The following EDARADD variants were observed in gnomAD, a reference collection of about 807,000 sequenced individuals.
EDARADD encodes the protein EDAR associated via death domain.
A neutral mutation model predicts 25.6 loss-of-function variants in EDARADD; 20 were observed. The observed-to-expected ratio is 0.78, with a 90% CI of 0.55 to 1.14. The LOEUF (loss-of-function observed/expected upper bound fraction) is 1.14, where lower values mean the gene tolerates loss of function less well. EDARADD is among the 50% of genes most tolerant of loss of function. The pLI is 0.00. For synonymous variants in EDARADD, 86 were observed against 94.4 expected (o/e 0.91, Z 0.52); for missense variants, 225 against 270.1 (o/e 0.83, Z 1.17).
chr1:236,467,524 T>A (rs538414674), intron 4 of EDARADD, among the ~76,000 whole-genome samples: 21 of 151,458 alleles, frequency 1.4e-4, no homozygotes, highest in African/African-American at 4.4e-4. Context: ...ATTGTAAAAA[T>A]GGAGCCCTAA....
At position 236,359,643 on chromosome 1, in the gene EDARADD, AG is replaced by A. The variant is rs149374972; in HGVS notation, c.-6+8806del. Among the ~76,000 whole-genome samples, 634 of 152,350 alleles carry A rather than the reference AG, an allele frequency of 4.2e-3. 2 individuals are homozygous for A. The highest frequency in any genetic ancestry group is 6.4e-3 in the Non-Finnish European group (436 of 68,034). ...AGCCTCACAGTCATGGCAGAAGGCA[AG>A]GAGAAGCAAGTCACGTCTTACGTGG... is the stretch of plus-strand genomic sequence containing the variant. On this transcript the variant is annotated intron_variant, in intron 3 of 7. Transcript: ENST00000439430.
At chr1:236,413,153 C>T (rs182125845) in intron 2 of EDARADD, among the ~76,000 whole-genome samples, 1 of 152,206 alleles carries the variant, frequency 6.6e-6, no homozygotes, top group Non-Finnish European at 1.5e-5. Flanking sequence ...CGTGAGCCAC[C>T]GCACCCAGCC....
chr1:236,377,123 T>TA (rs1553263098), intron 3 of EDARADD, among the ~76,000 whole-genome samples: 21 of 146,870 alleles, frequency 1.4e-4, no homozygotes, highest in African/African-American at 5.0e-4. Flanking sequence ...TATATATATT[T>TA]TATATATATA....
chr1:236,367,590 C>T (rs941007700), intron 3 of EDARADD, among the ~76,000 whole-genome samples: 3 of 152,092 alleles, frequency 2.0e-5, no homozygotes, highest in African/African-American at 4.8e-5. Context: ...GTCTCAAACT[C>T]GTGGGCTCAA....
chr1:236,393,977 C>G (rs1667467181), upstream of EDARADD, among the ~76,000 whole-genome samples: 1 of 146,806 alleles, frequency 6.8e-6, no homozygotes, highest in East Asian at 2.1e-4. Flanking sequence ...GGAGTAATAA[C>G]TACGTAACTA....
intron 1 of EDARADD, among the ~76,000 whole-genome samples, chr1:236,407,073 A>G (rs1667751590): frequency 6.6e-6 from 1 of 152,222 alleles, no homozygotes; most frequent in African/African-American, 2.4e-5. Flanking sequence ...CCTTAGGGCC[A>G]CACAGGAATC....
At chr1:236,385,711 C>T (rs1292663829) in intron 3 of EDARADD, among the ~76,000 whole-genome samples, 4 of 118,528 alleles carry the variant, frequency 3.4e-5, no homozygotes, top group African/African-American at 6.2e-5. Context: ...GCGACAAGAG[C>T]GAAACTCCAT....
intron 3 of EDARADD, among the ~76,000 whole-genome samples, chr1:236,383,773 G>A (rs979953427): frequency 6.6e-6 from 1 of 152,038 alleles, no homozygotes; most frequent in African/African-American, 2.4e-5. Flanking sequence ...GGAGGCTGAG[G>A]TGGGAGGGTC....
At chr1:236,388,216 C>A (rs1228470108) in intron 3 of EDARADD, among the ~76,000 whole-genome samples, 3 of 152,168 alleles carry the variant, frequency 2.0e-5, no homozygotes, top group African/African-American at 7.2e-5. Flanking sequence ...ATATTCCAAA[C>A]ACATACATGA....
chr1:236,420,014 C>T (rs973436750), intron 3 of EDARADD, among the ~76,000 whole-genome samples: 7 of 152,068 alleles, frequency 4.6e-5, no homozygotes, highest in Non-Finnish European at 1.0e-4. Flanking sequence ...CCCGTCTCTA[C>T]TAAAAATACA....
At chr1:236,459,166 A>G (rs1437624869) in intron 4 of EDARADD, among the ~76,000 whole-genome samples, 1 of 152,098 alleles carries the variant, frequency 6.6e-6, no homozygotes, top group African/African-American at 2.4e-5. Flanking sequence ...GTGTTCTAGC[A>G]TTACTTCTGT....
chr1:236,468,398 C>T (rs1456253573), intron 5 of EDARADD, 122 bp downstream of exon 5: 28 of 968,740 alleles, frequency 2.9e-5, no homozygotes, highest in East Asian at 2.1e-4. Flanking sequence ...CCAAGGTGGG[C>T]GGATCACCTG....
In EDARADD at chr1:236,483,661, A is replaced by G. The variant is rs572366811; in HGVS notation, c.*1012A>G. ...CATGCTGTCACCAAGCTGGCCATGC[A>G]GGAGTTCATGGTCCTCCCAGTCGGT... On this transcript the variant is annotated 3_prime_UTR_variant, in exon 6 of 6. Coordinates refer to ENST00000334232, the MANE Select transcript of EDARADD (RefSeq NM_145861.4). 1.5e-4 allele frequency: 233 copies of G among 1,575,520 alleles called. 3 individuals are homozygous for G. In the South Asian group the frequency reaches 2.4e-3, roughly 16 times the overall value.
chr1:236,414,165 ATT>A, intron 2 of EDARADD, 93 bp from the exon 3 acceptor site: 1 of 1,078,494 alleles, frequency 9.3e-7, no homozygotes, highest in Non-Finnish European at 1.4e-6. Context: ...CAAGTTTTTA[ATT>A]GAAGTCATAA....
intron 5 of EDARADD, among the ~76,000 whole-genome samples, chr1:236,475,791 C>CA (rs56999662): frequency 0.057 from 8,569 of 151,626 alleles, 799 homozygotes; most frequent in African/African-American, 0.19. Context: ...AACACACACA[C>CA]AAAAAAACTT....
chr1:236,408,827 C>T (rs1445414791), intron 1 of EDARADD, among the ~76,000 whole-genome samples: 1 of 151,986 alleles, frequency 6.6e-6, no homozygotes, highest in Non-Finnish European at 1.5e-5. Context: ...TGTGTTGGCT[C>T]ACTGCAACCT....
chr1:236,455,163 T>C (rs1322224791), intron 4 of EDARADD, among the ~76,000 whole-genome samples: 11 of 151,792 alleles, frequency 7.2e-5, no homozygotes, highest in Admixed American at 7.2e-4. Flanking sequence ...TGAGCCGAGA[T>C]TGTGCCACTG....
Position 236,413,834 on chromosome 1 carries a change from G to A in EDARADD, c.121-426G>A, listed in dbSNP as rs148537708. Reference sequence around the variant, plus strand: ...AATCATCCTGTCTCAGTCGACCCAGGCCAGAGCTCTGCAATAGTGAGTACT... The same window carrying A: ...AATCATCCTGTCTCAGTCGACCCAGACCAGAGCTCTGCAATAGTGAGTACT... On this transcript the variant is annotated intron_variant, in intron 2 of 5. Transcript: ENST00000334232. Among the ~76,000 whole-genome samples, 490 of 152,246 alleles carry A rather than the reference G, an allele frequency of 3.2e-3. 3 individuals carry two copies. Among genetic ancestry groups the A allele is most frequent in the Middle Eastern group, 0.017 (5 of 294 alleles).
chr1:236,444,414 G>A (rs758287868), intron 4 of EDARADD, among the ~76,000 whole-genome samples: 1 of 152,064 alleles, frequency 6.6e-6, no homozygotes, highest in Non-Finnish European at 1.5e-5. Context: ...TGATTCTCCT[G>A]TCTTGACTCT....
Sources: allele counts gnomAD v4.1 joint callset (sites outside exome capture counted in the v4.1 genomes callset), GRCh38; gene constraint gnomAD v4.1.1; transcripts MANE v1.5; gene names NCBI Gene and HGNC (gene_info 2026-07-23, HGNC 2026-07-21).